CCDC7: variants seen among roughly 807,000 people sequenced by gnomAD.
CCDC7 encodes the protein coiled-coil domain-containing protein 7.
Under a neutral mutation model 196.9 loss-of-function variants are expected in CCDC7, and 183 were observed. That is an observed-to-expected ratio of 0.93 (90% confidence interval 0.82 to 1.05). CCDC7 has a LOEUF of 1.05. Among genes scored for constraint, CCDC7 ranks in the 50% least tolerant of loss-of-function variants. The pLI is 0.00. For missense variants in CCDC7, 1,540 were observed against 1,482.2 expected, an observed-to-expected ratio of 1.04 and a Z score of -0.64; for synonymous variants, 525 against 484.6, an observed-to-expected ratio of 1.08 and a Z score of -1.10.
intron 29 of CCDC7, among the ~76,000 whole-genome samples, chr10:32,782,051 C>T (rs2081143219): frequency 6.6e-6 from 1 of 152,192 alleles, no homozygotes; most frequent in East Asian, 1.9e-4. Context: ...GAAAACAGTT[C>T]CATTTACAAT....
At chr10:32,792,890 AT>A (rs910043010) in intron 29 of CCDC7, among the ~76,000 whole-genome samples, 15 of 152,228 alleles carry the variant, frequency 9.9e-5, no homozygotes, top group African/African-American at 3.6e-4. Context: ...TACAAAAAAT[AT>A]TAAATCACAA....
Position 32,779,493 on chromosome 10 carries a change from A to C in CCDC7, c.3013+409A>C, listed in dbSNP as rs1228844855. ...ATATAGGCAATATGGCTGCCTTGTG[A>C]TGTGCTTATTATTAAATTTGCAATG... On this transcript the variant is annotated intron_variant, in intron 29 of 41. Coordinates refer to ENST00000639629, the Ensembl canonical transcript of CCDC7. 2.0e-5 allele frequency among the ~76,000 whole-genome samples: 3 copies of C among 152,228 alleles called. No individual in the cohort carries two copies. In the East Asian group the frequency reaches 5.8e-4, roughly 29 times the overall value.
intron 29 of CCDC7, among the ~76,000 whole-genome samples, chr10:32,791,694 T>A (rs2082724040): frequency 6.7e-6 from 1 of 150,334 alleles, no homozygotes; most frequent in African/African-American, 2.5e-5. Flanking sequence ...AAAAAAAGAA[T>A]GAAAAAGAAT....
chr10:32,615,997 T>C (rs1401299237), intron 18 of CCDC7, among the ~76,000 whole-genome samples: 1 of 152,138 alleles, frequency 6.6e-6, no homozygotes, highest in Non-Finnish European at 1.5e-5. Flanking sequence ...TATTGTTCTT[T>C]ATTCTCTTCC....
At position 32,852,020 on chromosome 10, in the gene CCDC7, C is replaced by T. The variant is rs867524858; in HGVS notation, c.4021+88C>T. The T allele has an allele frequency of 6.3e-5, 86 of 1,354,332 alleles. 2 individuals are homozygous for T. In the Middle Eastern group the frequency reaches 9.6e-3, roughly 152 times the overall value. 83.9% of individuals were successfully genotyped at this position (1,354,332 alleles called of 1,614,324 possible). ...ATAACCAAGTTGTAATAGCTTTAGT[C>T]ATATAACAGTTTGGCAAAATATAAA... On this transcript the variant is annotated intron_variant, in intron 40 of 41. Coordinates refer to ENST00000639629, the Ensembl canonical transcript of CCDC7.
intron 11 of CCDC7, among the ~76,000 whole-genome samples, chr10:32,534,190 G>A (rs1384583448): frequency 6.6e-6 from 1 of 151,964 alleles, no homozygotes; most frequent in Non-Finnish European, 1.5e-5. Flanking sequence ...GCTGTTGAGA[G>A]CCTCTAATGA....
intron 9 of CCDC7, among the ~76,000 whole-genome samples, chr10:32,517,214 G>A (rs2047162709): frequency 6.6e-6 from 1 of 152,082 alleles, no homozygotes; most frequent in South Asian, 2.1e-4. Flanking sequence ...TACAACTCCT[G>A]CTATGGAATA....
chr10:32,592,708 C>G (rs1398589300), intron 18 of CCDC7, among the ~76,000 whole-genome samples: 1 of 152,096 alleles, frequency 6.6e-6, no homozygotes, highest in Non-Finnish European at 1.5e-5. Context: ...GCTCCCCACA[C>G]CCCCCGACAA....
At chr10:32,462,566 T>A in intron 3 of CCDC7, 117 bp from the exon 5 acceptor site, 1 of 835,194 alleles carries the variant, frequency 1.2e-6, no homozygotes, top group Non-Finnish European at 1.7e-6. Context: ...TAAAGTTATA[T>A]TTTAATACTT....
chr10:32,663,796 T>C (rs2072035614), intron 20 of CCDC7, among the ~76,000 whole-genome samples: 1 of 151,918 alleles, frequency 6.6e-6, no homozygotes, highest in Non-Finnish European at 1.5e-5. Context: ...TAATCTAAAT[T>C]ATAAATAATT....
chr10:32,711,652 C>G (rs751267411), exon 25 of CCDC7: 2 of 1,592,710 alleles, frequency 1.3e-6, no homozygotes, highest in Admixed American at 1.8e-5. Context: ...AAATCCTATG[C>G]TTAAACATCA....
intron 18 of CCDC7, among the ~76,000 whole-genome samples, chr10:32,593,630 A>G (rs1231206341): frequency 1.3e-5 from 2 of 152,134 alleles, no homozygotes; most frequent in South Asian, 2.1e-4. Flanking sequence ...GCCCATGCCT[A>G]TTTCCTGAAT....
At chr10:32,828,090 CAA>C (rs1226230578) in intron 32 of CCDC7, among the ~76,000 whole-genome samples, 1 of 152,146 alleles carries the variant, frequency 6.6e-6, no homozygotes, top group Non-Finnish European at 1.5e-5. Flanking sequence ...CCACTGACTT[CAA>C]GTCTTTAGAC....
intron 24 of CCDC7, among the ~76,000 whole-genome samples, chr10:32,704,265 G>A (rs11527648): frequency 0.1 from 15,452 of 152,178 alleles, 1,029 homozygotes; most frequent in East Asian, 0.33. Flanking sequence ...GGAGTTTGCC[G>A]GAGGTCCACT....
At chr10:32,629,387 T>C (rs1168931782) in intron 18 of CCDC7, among the ~76,000 whole-genome samples, 4 of 152,106 alleles carry the variant, frequency 2.6e-5, no homozygotes, top group Non-Finnish European at 5.9e-5. Context: ...CTTTTTGTTC[T>C]TGTGGTCTAG....
intron 21 of CCDC7, among the ~76,000 whole-genome samples, chr10:32,671,084 A>C (rs2073972900): frequency 6.6e-6 from 1 of 152,154 alleles, no homozygotes; most frequent in South Asian, 2.1e-4. Flanking sequence ...GAATAAAGAA[A>C]ATTCATTCAA....
At chr10:32,473,870 GA>G in intron 7 of CCDC7, 96 bp from the exon 9 acceptor site, 1 of 1,158,150 alleles carries the variant, frequency 8.6e-7, no homozygotes, top group Admixed American at 3.2e-5. Context: ...TCTTTCTTCT[GA>G]ATAAGTTACT....
chr10:32,482,486 T>C (rs2040164927), intron 8 of CCDC7, among the ~76,000 whole-genome samples: 1 of 151,570 alleles, frequency 6.6e-6, no homozygotes, highest in Non-Finnish European at 1.5e-5. Flanking sequence ...TATTATATTC[T>C]TTGGCATCAG....
chr10:32,484,177 A>T (rs918305267), intron 8 of CCDC7, among the ~76,000 whole-genome samples: 3 of 152,058 alleles, frequency 2.0e-5, no homozygotes, highest in Non-Finnish European at 4.4e-5. Flanking sequence ...TTCACTGAGC[A>T]GTGGTTTGTA....
Sources: gnomAD v4.1 joint callset for allele counts (sites outside exome capture counted in the v4.1 genomes callset) on GRCh38, gnomAD v4.1.1 for gene constraint, MANE v1.5 for transcripts, NCBI Gene and HGNC (gene_info 2026-07-23, HGNC 2026-07-21) for gene names.